TBL1X: variants seen among roughly 807,000 people sequenced by gnomAD.
TBL1X encodes the protein transducin beta like 1 X-linked, also known as F-box-like/WD repeat-containing protein TBL1X.
In TBL1X, 10 loss-of-function variants were observed where a neutral mutation model predicts 50.7. The observed-to-expected ratio is 0.20, with a 90% CI of 0.12 to 0.33. TBL1X has a LOEUF of 0.33. Ranked by LOEUF, TBL1X falls within the 10% of genes least tolerant of loss-of-function variation. The probability of loss-of-function intolerance (pLI) is 1.00; values close to 1 mark genes in which losing one functional copy is unlikely to be tolerated. For missense variants in TBL1X, 340 were observed against 504.4 expected (o/e 0.67, Z 3.12); for synonymous variants, 190 against 214.7 (o/e 0.88, Z 1.01).
At chrX:9,668,896 G>T (rs1319954351) in intron 5 of TBL1X, among the ~76,000 whole-genome samples, 2 of 111,419 alleles carry the variant, frequency 1.8e-5, no homozygotes, top group African/African-American at 6.5e-5. Context: ...GAGACCTTGG[G>T]TGGAGGAAAG....
intron 2 of TBL1X, among the ~76,000 whole-genome samples, chrX:9,583,999 C>T (rs1245844812): frequency 2.7e-5 from 3 of 112,181 alleles, no homozygotes; most frequent in African/African-American, 3.2e-5. Flanking sequence ...GAATGAAGCT[C>T]AATCTCCCTC....
At chrX:9,604,554 G>A (rs1291634338) in intron 2 of TBL1X, among the ~76,000 whole-genome samples, 1 of 111,208 alleles carries the variant, frequency 9.0e-6, no homozygotes, top group Non-Finnish European at 1.9e-5. Context: ...GAGGTGTAGG[G>A]AGACATCTCT....
chrX:9,571,874 A>T (rs2082388214), intron 2 of TBL1X, among the ~76,000 whole-genome samples: 1 of 112,531 alleles, frequency 8.9e-6, no homozygotes. Flanking sequence ...ACTTGGTAGA[A>T]TGTCCTCAAG....
intron 2 of TBL1X, among the ~76,000 whole-genome samples, chrX:9,571,427 C>T (rs1444718990): frequency 2.7e-5 from 3 of 111,724 alleles, no homozygotes; most frequent in East Asian, 2.8e-4. Context: ...CAGAAGTCTG[C>T]GGATATCCCA....
intron 5 of TBL1X, 131 bp from the exon 6 acceptor site, chrX:9,683,912 T>C: frequency 3.9e-6 from 4 of 1,016,028 alleles, no homozygotes; most frequent in Non-Finnish European, 5.5e-6. Context: ...TCCCTGGGCA[T>C]TCTGCAGCCG....
At chrX:9,559,374 G>T (rs970629290) in intron 2 of TBL1X, among the ~76,000 whole-genome samples, 1 of 111,376 alleles carries the variant, frequency 9.0e-6, no homozygotes, top group African/African-American at 3.3e-5. Flanking sequence ...GGATGATGGT[G>T]CTGTGGCTTT....
intron 2 of TBL1X, among the ~76,000 whole-genome samples, chrX:9,600,139 T>A (rs1016149638): frequency 3.6e-5 from 4 of 111,754 alleles, no homozygotes; most frequent in African/African-American, 1.3e-4. Context: ...GCAAGACGTC[T>A]TAGTCTGATC....
intron 2 of TBL1X, among the ~76,000 whole-genome samples, chrX:9,568,166 A>G (rs1022596376): frequency 8.1e-5 from 9 of 111,726 alleles, no homozygotes; most frequent in Non-Finnish European, 1.5e-4. Context: ...AGAACCCCCA[A>G]AGACGCCATG....
intron 2 of TBL1X, among the ~76,000 whole-genome samples, chrX:9,554,883 C>G (rs2082287949): frequency 9.0e-6 from 1 of 111,506 alleles, no homozygotes; most frequent in Non-Finnish European, 1.9e-5. Context: ...GGAAGCGTCC[C>G]TGTAACCATT....
At chrX:9,608,503 C>T (rs1569074058) in intron 2 of TBL1X, among the ~76,000 whole-genome samples, 2 of 111,335 alleles carry the variant, frequency 1.8e-5, no homozygotes, top group Non-Finnish European at 3.8e-5. Flanking sequence ...AGTCAGCTTC[C>T]CCCATTCCGG....
At chrX:9,512,361 G>T (rs1373191829) in intron 2 of TBL1X, among the ~76,000 whole-genome samples, 1 of 111,692 alleles carries the variant, frequency 9.0e-6, no homozygotes, top group African/African-American at 3.3e-5. Context: ...GACCAATGCA[G>T]CTTTCAAGTT....
intron 2 of TBL1X, among the ~76,000 whole-genome samples, chrX:9,631,336 C>T (rs1450714202): frequency 8.9e-6 from 1 of 111,805 alleles, no homozygotes; most frequent in South Asian, 3.7e-4. Context: ...CTGTTCGTGT[C>T]TCAGCCTTTT....
At chrX:9,498,058 C>T (rs1443255592) in intron 1 of TBL1X, among the ~76,000 whole-genome samples, 2 of 110,031 alleles carry the variant, frequency 1.8e-5, no homozygotes, top group African/African-American at 3.3e-5. Flanking sequence ...CCTGCTATTT[C>T]CTCCCAGCTA....
chrX:9,627,603 G>A (rs1304273543), intron 2 of TBL1X, among the ~76,000 whole-genome samples: 1 of 112,516 alleles, frequency 8.9e-6, no homozygotes, highest in African/African-American at 3.2e-5. Context: ...GATTTGTGAT[G>A]GATACATTGT....
intron 2 of TBL1X, among the ~76,000 whole-genome samples, chrX:9,536,436 G>A (rs1420243302): frequency 9.1e-6 from 1 of 110,056 alleles, no homozygotes; most frequent in Non-Finnish European, 1.9e-5. Context: ...TTTTTTAGTA[G>A]AGATGAGGTT....
At chrX:9,508,993 G>A (rs1278698744) in intron 2 of TBL1X, among the ~76,000 whole-genome samples, 2 of 110,474 alleles carry the variant, frequency 1.8e-5, no homozygotes, top group Admixed American at 1.9e-4. Context: ...CTACTAATTA[G>A]GTAGTAGGGT....
intron 5 of TBL1X, among the ~76,000 whole-genome samples, chrX:9,661,015 G>A (rs1012161890): frequency 1.8e-5 from 2 of 111,768 alleles, no homozygotes; most frequent in Non-Finnish European, 3.8e-5. Flanking sequence ...CGGGAAGCGG[G>A]TTCTCACCAG....
At chrX:9,647,037 T>G (rs2082808475) in intron 3 of TBL1X, among the ~76,000 whole-genome samples, 2 of 111,967 alleles carry the variant, frequency 1.8e-5, no homozygotes, top group South Asian at 7.5e-4. Flanking sequence ...AGATTTTGTT[T>G]GGGGCCAGTG....
At chrX:9,716,186 C>G (rs2083277395) in intron 17 of TBL1X, 34 bp from the exon 18 acceptor site, 1 of 1,206,968 alleles carries the variant, frequency 8.3e-7, no homozygotes, top group Non-Finnish European at 1.1e-6. Flanking sequence ...TGTATTGTCT[C>G]TCAAGATGAC....
Sources: gnomAD v4.1 joint callset for allele counts (sites outside exome capture counted in the v4.1 genomes callset) on GRCh38, gnomAD v4.1.1 for gene constraint, MANE v1.5 for transcripts, NCBI Gene and HGNC (gene_info 2026-07-23, HGNC 2026-07-21) for gene names.